The following CELF1 variants were observed in gnomAD, a reference collection of about 807,000 sequenced individuals.
The protein encoded by CELF1 is 50 kDa nuclear polyadenylated RNA-binding protein.
Under a neutral mutation model 61.8 loss-of-function variants are expected in CELF1, and 10 were observed. That is an observed-to-expected ratio of 0.16 (90% CI 0.10 to 0.27). The LOEUF is 0.27. Ranked by LOEUF, CELF1 falls within the 10% of genes least tolerant of loss-of-function variation. The pLI is 1.00. For synonymous variants in CELF1, 236 were observed against 225.1 expected (o/e 1.05, Z -0.43); for missense variants, 380 against 639.1 (o/e 0.59, Z 4.37).
chr11:47,474,066 C>G (rs113434262), intron 13 of CELF1, among the ~76,000 whole-genome samples: 1 of 152,112 alleles, frequency 6.6e-6, no homozygotes, highest in Non-Finnish European at 1.5e-5. Context: ...GCCACCATGC[C>G]TGGCGTATTT....
At chr11:47,532,035 A>AT (rs565261366) in intron 1 of CELF1, among the ~76,000 whole-genome samples, 3,057 of 144,926 alleles carry the variant, frequency 0.021, 68 homozygotes, top group Admixed American at 0.068. Flanking sequence ...TCTTATTTTT[A>AT]TTTTTTTTTT....
At chr11:47,480,756 C>T (rs118175369) in intron 9 of CELF1, among the ~76,000 whole-genome samples, 38 of 152,228 alleles carry the variant, frequency 2.5e-4, no homozygotes, top group Admixed American at 4.6e-4. Flanking sequence ...GAAATATAAC[C>T]GGACCCAGTG....
chr11:47,478,545 A>T (rs1370552742), intron 10 of CELF1, among the ~76,000 whole-genome samples: 1 of 152,218 alleles, frequency 6.6e-6, no homozygotes, highest in Non-Finnish European at 1.5e-5. Flanking sequence ...GTCACTTTAT[A>T]ATGGAAATAA....
chr11:47,475,300 C>G (rs376310745), intron 13 of CELF1, 36 bp downstream of exon 13: 1 of 1,605,962 alleles, frequency 6.2e-7, no homozygotes, highest in East Asian at 2.2e-5. Context: ...GGAAAACCGC[C>G]CCCCATACCT....
chr11:47,507,473 T>C (rs1233053718), intron 1 of CELF1, among the ~76,000 whole-genome samples: 2 of 151,474 alleles, frequency 1.3e-5, no homozygotes, highest in African/African-American at 4.9e-5. Flanking sequence ...AAAAAAAAAA[T>C]CAGAAGATGG....
chr11:47,484,276 C>G, intron 7 of CELF1, 113 bp downstream of exon 7: 1 of 1,154,512 alleles, frequency 8.7e-7, no homozygotes, highest in Non-Finnish European at 1.2e-6. Context: ...GAAGGCACCA[C>G]TGCACTCCAG....
At chr11:47,503,730 G>T (rs866390517) in intron 1 of CELF1, among the ~76,000 whole-genome samples, 4 of 152,152 alleles carry the variant, frequency 2.6e-5, no homozygotes, top group African/African-American at 9.7e-5. Flanking sequence ...CTAAAATCGA[G>T]TATTTCTAAT....
chr11:47,536,398 A>G (rs2096631400), intron 1 of CELF1, among the ~76,000 whole-genome samples: 1 of 152,160 alleles, frequency 6.6e-6, no homozygotes, highest in Non-Finnish European at 1.5e-5. Flanking sequence ...AGACTGATAG[A>G]TAGTTTCCCA....
rs553135859 is a variant in CELF1, at chr11:47,549,225, A to C, written c.-154+3767T>G. Among the ~76,000 whole-genome samples, 244 of 152,354 alleles carry C rather than the reference A, an allele frequency of 1.6e-3. 1 individual carries two copies. Among genetic ancestry groups the C allele is most frequent in the African/African-American group, 5.6e-3 (233 of 41,584 alleles). Reference sequence around the variant, plus strand: ...GGTTCTTCAAAAAACAAACAAACAAATAAAAAAACACTATTCCAGTGGCCT... The same window carrying C: ...GGTTCTTCAAAAAACAAACAAACAACTAAAAAAACACTATTCCAGTGGCCT... On this transcript the variant is annotated intron_variant, in intron 1 of 14. Transcript: ENST00000687097.
At chr11:47,542,843 A>T (rs1353886460) in intron 1 of CELF1, among the ~76,000 whole-genome samples, 3 of 152,138 alleles carry the variant, frequency 2.0e-5, no homozygotes, top group African/African-American at 7.2e-5. Context: ...TTTAGAAAAT[A>T]TCAACAGGGC....
chr11:47,499,805 T>C (rs2093671072), intron 2 of CELF1: 1 of 410,252 alleles, frequency 2.4e-6, no homozygotes, highest in Admixed American at 4.1e-5. Flanking sequence ...CAATTTTCCC[T>C]GGCGAAGCAG....
intron 1 of CELF1, among the ~76,000 whole-genome samples, chr11:47,514,692 CAAA>C (rs34636337): frequency 1.9e-5 from 2 of 106,098 alleles, no homozygotes; most frequent in African/African-American, 3.9e-5. Context: ...CCTATCTCTA[CAAA>C]AAAAAAAAAA....
chr11:47,501,668 A>G (rs2093919445), intron 1 of CELF1, among the ~76,000 whole-genome samples: 1 of 152,006 alleles, frequency 6.6e-6, no homozygotes, highest in Admixed American at 6.6e-5. Context: ...ATATCAAAAA[A>G]AAAAATTAGC....
chr11:47,480,867 C>T (rs1017913648), intron 9 of CELF1, among the ~76,000 whole-genome samples: 2 of 152,056 alleles, frequency 1.3e-5, no homozygotes, highest in Non-Finnish European at 2.9e-5. Flanking sequence ...AAAACCCTGT[C>T]TCTACTAAAA....
chr11:47,505,872 C>A (rs2094447552), intron 1 of CELF1, among the ~76,000 whole-genome samples: 1 of 142,708 alleles, frequency 7.0e-6, no homozygotes, highest in African/African-American at 2.6e-5. Flanking sequence ...GAGGCAGAGG[C>A]TGCAGTGAGC....
intron 14 of CELF1, among the ~76,000 whole-genome samples, chr11:47,472,807 A>G (rs1442810441): frequency 1.3e-5 from 2 of 152,178 alleles, no homozygotes; most frequent in Non-Finnish European, 2.9e-5. Context: ...GGCCTCCCCA[A>G]GTACTGGGAC....
At chr11:47,477,006 C>A in intron 11 of CELF1, 47 bp from the exon 12 acceptor site, 1 of 1,470,570 alleles carries the variant, frequency 6.8e-7, no homozygotes, top group South Asian at 1.1e-5. Flanking sequence ...CTGGCATTCT[C>A]GCCAAATACA....
intron 11 of CELF1, 130 bp from the exon 12 acceptor site, chr11:47,477,089 G>C (rs1394055900): frequency 4.5e-6 from 4 of 893,736 alleles, no homozygotes; most frequent in Non-Finnish European, 5.3e-6. Context: ...AACTGTCCTT[G>C]CAGGACAGAG....
intron 14 of CELF1, 45 bp from the exon 15 acceptor site, chr11:47,472,402 A>T: frequency 1.9e-6 from 3 of 1,601,816 alleles, no homozygotes; most frequent in Non-Finnish European, 2.6e-6. Context: ...TAATGAGGCA[A>T]GGAGATTCTC....
Sources: allele counts gnomAD v4.1 joint callset (sites outside exome capture counted in the v4.1 genomes callset), GRCh38; gene constraint gnomAD v4.1.1; transcripts MANE v1.5; gene names NCBI Gene and HGNC (gene_info 2026-07-23, HGNC 2026-07-21).